Variants in CPNE4 observed in about 807,000 individuals in gnomAD.
The protein encoded by CPNE4 is copine-4.
A neutral mutation model predicts 67.9 loss-of-function variants in CPNE4; 25 were observed. That is an observed-to-expected ratio of 0.37 (90% CI 0.27 to 0.51). The LOEUF (loss-of-function observed/expected upper bound fraction) is 0.51. Ranked by LOEUF, CPNE4 falls within the 20% of genes least tolerant of loss-of-function variation. The probability of loss-of-function intolerance (pLI) is 0.93; values close to 1 mark genes in which losing one functional copy is unlikely to be tolerated. For missense variants in CPNE4, 464 were observed against 690.8 expected (o/e 0.67, Z 3.68); for synonymous variants, 242 against 244.9 (o/e 0.99, Z 0.11).
At chr3:131,585,703 G>T (rs988586369) in intron 8 of CPNE4, among the ~76,000 whole-genome samples, 4 of 152,108 alleles carry the variant, frequency 2.6e-5, no homozygotes, top group African/African-American at 4.8e-5. Context: ...TCTAGCAGGT[G>T]GTATGAATGC....
chr3:131,823,834 A>C (rs1019457913), intron 2 of CPNE4, among the ~76,000 whole-genome samples: 2 of 152,340 alleles, frequency 1.3e-5, no homozygotes, highest in South Asian at 4.1e-4. Context: ...TCTTATTTAA[A>C]TGAAAAAAAT....
intron 2 of CPNE4, among the ~76,000 whole-genome samples, chr3:131,844,515 G>A: frequency 6.6e-6 from 1 of 152,028 alleles, no homozygotes; most frequent in Non-Finnish European, 1.5e-5. Context: ...TGATCTGCCT[G>A]CCTCGGCCTC....
At chr3:131,880,116 A>G (rs1459176392) in intron 2 of CPNE4, among the ~76,000 whole-genome samples, 1 of 138,544 alleles carries the variant, frequency 7.2e-6, no homozygotes, top group Non-Finnish European at 1.5e-5. Context: ...GGCATATAGT[A>G]TATATATATA....
At chr3:131,882,319 A>T (rs1026985739) in intron 2 of CPNE4, among the ~76,000 whole-genome samples, 1 of 152,220 alleles carries the variant, frequency 6.6e-6, no homozygotes, top group African/African-American at 2.4e-5. Flanking sequence ...TACAAATGCA[A>T]TTAGAATCAT....
chr3:131,765,341 C>T (rs1397445633), intron 2 of CPNE4, among the ~76,000 whole-genome samples: 5 of 152,058 alleles, frequency 3.3e-5, no homozygotes, highest in Admixed American at 2.6e-4. Context: ...CTAAGAAATA[C>T]TATATTTGTA....
intron 2 of CPNE4, among the ~76,000 whole-genome samples, chr3:131,880,729 G>T (rs1412876234): frequency 6.6e-6 from 1 of 152,154 alleles, no homozygotes; most frequent in Admixed American, 6.5e-5. Context: ...AAAAGTAGAA[G>T]GCAGATTTGG....
At chr3:132,037,443 T>C, upstream of CPNE4, 2 of 791,636 alleles carry the variant, frequency 2.5e-6, no homozygotes, top group Admixed American at 2.1e-5. Flanking sequence ...AAATGAAGAT[T>C]TGTAACCAGC....
chr3:131,686,844 A>G (rs951424744), intron 5 of CPNE4, among the ~76,000 whole-genome samples: 5 of 152,156 alleles, frequency 3.3e-5, no homozygotes, highest in African/African-American at 9.7e-5. Context: ...CTGTTGGACT[A>G]CTTGTCTTCT....
chr3:131,932,986 G>A (rs938715803), intron 1 of CPNE4, among the ~76,000 whole-genome samples: 1 of 152,090 alleles, frequency 6.6e-6, no homozygotes, highest in Admixed American at 6.6e-5. Flanking sequence ...GTGCTCCTGG[G>A]CAACAGAGCG....
intron 2 of CPNE4, among the ~76,000 whole-genome samples, chr3:131,809,626 C>T (rs2084449767): frequency 6.6e-6 from 1 of 151,988 alleles, no homozygotes; most frequent in South Asian, 2.1e-4. Flanking sequence ...TTGAAATACA[C>T]CTGGGTTAAT....
chr3:131,568,237 T>C (rs1462484607), intron 10 of CPNE4, among the ~76,000 whole-genome samples: 1 of 152,016 alleles, frequency 6.6e-6, no homozygotes, highest in East Asian at 1.9e-4. Flanking sequence ...TAAAACCTCA[T>C]TTATGAAGCT....
At chr3:131,541,573 CTTT>C (rs74269437) in intron 15 of CPNE4, among the ~76,000 whole-genome samples, 12 of 138,386 alleles carry the variant, frequency 8.7e-5, no homozygotes, top group Non-Finnish European at 1.3e-4. Flanking sequence ...TCAAAGATTA[CTTT>C]TTTTTTTTTT....
intron 1 of CPNE4, among the ~76,000 whole-genome samples, chr3:131,993,517 C>A (rs2073221466): frequency 9.6e-6 from 1 of 103,654 alleles, no homozygotes; most frequent in Non-Finnish European, 2.0e-5. Context: ...AAAGTTCTTA[C>A]ATTCACTTTC....
At chr3:131,901,964 T>C (rs1376488121) in intron 2 of CPNE4, among the ~76,000 whole-genome samples, 1 of 152,132 alleles carries the variant, frequency 6.6e-6, no homozygotes, top group Non-Finnish European at 1.5e-5. Context: ...AGAGTTCCTG[T>C]TGTTCATCCC....
intron 1 of CPNE4, among the ~76,000 whole-genome samples, chr3:132,023,455 A>C (rs2074041833): frequency 6.6e-6 from 1 of 150,948 alleles, no homozygotes; most frequent in Non-Finnish European, 1.5e-5. Context: ...AATATTTCAA[A>C]AGGCAATTGC....
chr3:131,818,526 T>G (rs2084835520), intron 2 of CPNE4, among the ~76,000 whole-genome samples: 1 of 152,214 alleles, frequency 6.6e-6, no homozygotes. Context: ...TTCTCACTAC[T>G]CAAAGTGTGG....
chr3:131,713,761 T>C (rs532471122), intron 3 of CPNE4, among the ~76,000 whole-genome samples: 1 of 152,122 alleles, frequency 6.6e-6, no homozygotes, highest in Non-Finnish European at 1.5e-5. Context: ...GGATCCAAAG[T>C]TATGATTCCT....
intron 6 of CPNE4, among the ~76,000 whole-genome samples, chr3:131,683,168 T>G (rs571874836): frequency 2.5e-4 from 38 of 152,168 alleles, no homozygotes; most frequent in African/African-American, 8.9e-4. Context: ...CAAAATCAAG[T>G]CCCCTCTACT....
intron 1 of CPNE4, among the ~76,000 whole-genome samples, chr3:132,008,134 A>G (rs2073655320): frequency 6.6e-6 from 1 of 152,154 alleles, no homozygotes; most frequent in African/African-American, 2.4e-5. Flanking sequence ...TATGGGAATG[A>G]TTCAGTTTCT....
Sources: allele counts gnomAD v4.1 joint callset (sites outside exome capture counted in the v4.1 genomes callset), GRCh38; gene constraint gnomAD v4.1.1; transcripts MANE v1.5; gene names NCBI Gene and HGNC (gene_info 2026-07-23, HGNC 2026-07-21).